The following AK5 variants were observed in gnomAD, a reference collection of about 807,000 sequenced individuals.
The protein encoded by AK5 is adenylate kinase isoenzyme 5.
In AK5, 27 loss-of-function variants were observed where a neutral mutation model predicts 69.5. That is an observed-to-expected ratio of 0.39 (90% CI 0.29 to 0.54). The LOEUF (loss-of-function observed/expected upper bound fraction) is 0.54. Ranked by LOEUF, AK5 falls within the 20% of genes least tolerant of loss-of-function variation. The pLI, the probability that AK5 is intolerant of heterozygous loss-of-function variation, is 0.71. For synonymous variants in AK5, 260 were observed against 244.4 expected (o/e 1.06, Z -0.60); for missense variants, 531 against 700.4 (o/e 0.76, Z 2.73).
chr1:77,333,549 C>CA (rs1553134075), intron 5 of AK5, among the ~76,000 whole-genome samples: 2 of 147,872 alleles, frequency 1.4e-5, no homozygotes, highest in Non-Finnish European at 3.0e-5. Context: ...AAATCTCCCC[C>CA]CCACCATGCT....
intron 13 of AK5, among the ~76,000 whole-genome samples, chr1:77,541,572 G>T (rs187544808): frequency 1.3e-5 from 2 of 152,302 alleles, no homozygotes; most frequent in East Asian, 3.9e-4. Flanking sequence ...GTGGTTGTAG[G>T]TAGCAGGTGC....
intron 7 of AK5, among the ~76,000 whole-genome samples, chr1:77,416,513 G>A (rs1650438482): frequency 6.6e-6 from 1 of 152,138 alleles, no homozygotes; most frequent in Non-Finnish European, 1.5e-5. Flanking sequence ...TATAAACACA[G>A]TAAACACTGG....
intron 13 of AK5, among the ~76,000 whole-genome samples, chr1:77,548,898 C>CTTTTTTTTT: frequency 2.3e-5 from 2 of 87,898 alleles, no homozygotes; most frequent in Non-Finnish European, 4.5e-5. Context: ...TTGCTTTTAG[C>CTTTTTTTTT]TTTTTTTTTT....
chr1:77,309,264 G>T lies in AK5; in HGVS notation c.699+11317G>T, dbSNP rs138403152. Reference sequence around the variant, plus strand: ...AAATAAAAATAAAAATTGAAAAAAAGAAAGAAAATGAAGGAGGGAAGTCTA... The same window carrying T: ...AAATAAAAATAAAAATTGAAAAAAATAAAGAAAATGAAGGAGGGAAGTCTA... On this transcript the variant is annotated intron_variant, in intron 5 of 13. Coordinates refer to ENST00000354567, the MANE Select transcript of AK5 (RefSeq NM_174858.3). Among the ~76,000 whole-genome samples the T allele has an allele frequency of 7.2e-5, 11 of 152,036 alleles. No homozygotes were observed. In the East Asian group the frequency reaches 1.9e-3, roughly 27 times the overall value.
rs762576175 is a variant in AK5, at chr1:77,376,451, C to CAAAAAAAAAAAAAAAAAAAAAAAAA, written c.892-34518_892-34517insAAAAAAAAAAAAAAAAAAAAAAAAA. Among the ~76,000 whole-genome samples, 30 of 41,044 alleles carry CAAAAAAAAAAAAAAAAAAAAAAAAA rather than the reference C, an allele frequency of 7.3e-4. 1 individual carries two copies. The highest frequency in any genetic ancestry group is 2.7e-3 in the African/African-American group (30 of 11,144). The allele number at this position is 41,044 out of a possible 152,430, so 26.9% of individuals were successfully genotyped here. On this transcript the variant is annotated intron_variant, in intron 6 of 13. Transcript: ENST00000354567. Reference sequence around the variant, plus strand: ...TCAATGCCAAAAAAAAAAAAAAAAACAAAAAAAAAAAACATGTCTTACTTT... The same window carrying CAAAAAAAAAAAAAAAAAAAAAAAAA: ...TCAATGCCAAAAAAAAAAAAAAAAACAAAAAAAAAAAAAAAAAAAAAAAAAAAAAAAAAAAAACATGTCTTACTTT...
At chr1:77,479,670 C>A (rs888834776) in intron 8 of AK5, among the ~76,000 whole-genome samples, 1 of 152,164 alleles carries the variant, frequency 6.6e-6, no homozygotes, top group Non-Finnish European at 1.5e-5. Context: ...CTCTCTTTGT[C>A]AGTTCAGAAG....
At chr1:77,375,016 G>A (rs137892140) in intron 6 of AK5, among the ~76,000 whole-genome samples, 1 of 152,100 alleles carries the variant, frequency 6.6e-6, no homozygotes, top group African/African-American at 2.4e-5. Flanking sequence ...CTTATTACAT[G>A]CCAGGCAATG....
At chr1:77,529,029 T>C (rs1658431598) in intron 12 of AK5, among the ~76,000 whole-genome samples, 1 of 152,220 alleles carries the variant, frequency 6.6e-6, no homozygotes, top group Non-Finnish European at 1.5e-5. Context: ...CTTTACAGTT[T>C]TTTTAATAAT....
At chr1:77,465,216 C>G (rs1654068848) in intron 8 of AK5, among the ~76,000 whole-genome samples, 1 of 152,058 alleles carries the variant, frequency 6.6e-6, no homozygotes, top group Non-Finnish European at 1.5e-5. Flanking sequence ...AGAGATAATG[C>G]TGATGCCAGG....
intron 6 of AK5, among the ~76,000 whole-genome samples, chr1:77,388,585 G>C (rs1307389689): frequency 1.3e-5 from 2 of 151,744 alleles, no homozygotes. Context: ...TGTTGTTGTT[G>C]TTGTTTTTGC....
chr1:77,305,203 C>T (rs6693999), intron 5 of AK5, among the ~76,000 whole-genome samples: 16,262 of 151,892 alleles, frequency 0.11, 1,122 homozygotes, highest in East Asian at 0.2. Flanking sequence ...GAGTTGTTTG[C>T]GCTCCTTGTA....
chr1:77,428,596 T>C (rs1295529831), intron 8 of AK5, among the ~76,000 whole-genome samples: 1 of 1,318 alleles, frequency 7.6e-4, no homozygotes, highest in Non-Finnish European at 3.4e-3. Flanking sequence ...ATCCAAGTTC[T>C]TTTTTTTTTA....
intron 6 of AK5, among the ~76,000 whole-genome samples, chr1:77,351,668 G>C (rs1204024784): frequency 6.6e-6 from 1 of 152,088 alleles, no homozygotes; most frequent in Non-Finnish European, 1.5e-5. Context: ...GAAAGCAAAA[G>C]CTTTCCCATA....
At chr1:77,378,548 T>C (rs944519050) in intron 6 of AK5, among the ~76,000 whole-genome samples, 4 of 152,356 alleles carry the variant, frequency 2.6e-5, no homozygotes, top group African/African-American at 7.2e-5. Context: ...CTCAAATTCC[T>C]GACCTCAAGT....
chr1:77,358,367 G>A (rs987773254), intron 6 of AK5, among the ~76,000 whole-genome samples: 2 of 152,150 alleles, frequency 1.3e-5, no homozygotes, highest in African/African-American at 2.4e-5. Context: ...GTTGGCATGA[G>A]GTTCAAATTA....
intron 5 of AK5, among the ~76,000 whole-genome samples, chr1:77,317,681 A>T (rs1476036588): frequency 6.6e-6 from 1 of 152,176 alleles, no homozygotes; most frequent in African/African-American, 2.4e-5. Flanking sequence ...TCCTGTGGCC[A>T]GACTAATCTT....
intron 6 of AK5, among the ~76,000 whole-genome samples, chr1:77,345,513 G>C (rs1439702193): frequency 1.3e-5 from 2 of 152,142 alleles, no homozygotes; most frequent in East Asian, 1.9e-4. Context: ...TTAAGTAGGG[G>C]TGAGATGACT....
At chr1:77,517,919 G>A (rs1470858551) in intron 10 of AK5, among the ~76,000 whole-genome samples, 2 of 152,114 alleles carry the variant, frequency 1.3e-5, no homozygotes, top group Admixed American at 6.5e-5. Flanking sequence ...AGGGGTCCAA[G>A]GATATCATTA....
chr1:77,307,589 A>T (rs1295153544), intron 5 of AK5, among the ~76,000 whole-genome samples: 1 of 152,216 alleles, frequency 6.6e-6, no homozygotes, highest in Non-Finnish European at 1.5e-5. Context: ...CAGCTCTTAG[A>T]TGAAATGCTC....
Sources: gnomAD v4.1 joint callset for allele counts (sites outside exome capture counted in the v4.1 genomes callset) on GRCh38, gnomAD v4.1.1 for gene constraint, MANE v1.5 for transcripts, NCBI Gene and HGNC (gene_info 2026-07-23, HGNC 2026-07-21) for gene names.